ASIC2: variants seen among roughly 807,000 people sequenced by gnomAD.
The protein encoded by ASIC2 is acid sensing ion channel subunit 2, also known as acid-sensing ion channel 2.
Under a neutral mutation model 57.3 loss-of-function variants are expected in ASIC2, and 25 were observed. The observed-to-expected ratio is 0.44, with a 90% confidence interval of 0.32 to 0.61. ASIC2 has a LOEUF of 0.61. Ranked by LOEUF, ASIC2 falls within the 20% of genes least tolerant of loss-of-function variation. ASIC2 has a pLI of 0.06. For synonymous variants in ASIC2, 319 were observed against 307.5 expected (o/e 1.04, Z -0.39); for missense variants, 641 against 738.1 (o/e 0.87, Z 1.52).
rs143341863 is a variant in ASIC2 at position 33,843,546 on chromosome 17, G to C, written c.555+312432C>G. The stretch of plus-strand genomic sequence containing the variant: ...ACATGATAAAACTTTTGAAATCAAG[G>C]CTACTAGAAGACTTAGAATGTAATG... On this transcript the variant is annotated intron_variant, in intron 1 of 9. Coordinates refer to the ASIC2 transcript ENST00000359872. Among the ~76,000 whole-genome samples the C allele has an allele frequency of 3.8e-3, 586 of 152,208 alleles. 3 individuals are homozygous for C. Among genetic ancestry groups the C allele is most frequent in the African/African-American group, 0.014 (565 of 41,526 alleles).
At chr17:33,885,992 T>G (rs1914820533) in intron 1 of ASIC2, among the ~76,000 whole-genome samples, 1 of 152,202 alleles carries the variant, frequency 6.6e-6, no homozygotes, top group African/African-American at 2.4e-5. Context: ...TCTCAGTACC[T>G]TGCATAAAGT....
chr17:33,922,134 C>G (rs532573824), intron 1 of ASIC2, among the ~76,000 whole-genome samples: 12 of 152,282 alleles, frequency 7.9e-5, no homozygotes, highest in Non-Finnish European at 1.5e-4. Flanking sequence ...AGTGTTAACA[C>G]TTTGCTGACT....
At chr17:33,844,792 G>C (rs1025477235) in intron 1 of ASIC2, among the ~76,000 whole-genome samples, 1 of 152,126 alleles carries the variant, frequency 6.6e-6, no homozygotes, top group African/African-American at 2.4e-5. Flanking sequence ...GATTATATTA[G>C]CTACCAATAT....
At chr17:33,316,929 A>G (rs902651736) in intron 1 of ASIC2, among the ~76,000 whole-genome samples, 3 of 152,186 alleles carry the variant, frequency 2.0e-5, no homozygotes, top group African/African-American at 7.2e-5. Flanking sequence ...ACAAGGTACT[A>G]CACTCTGTGC....
At chr17:33,579,029 T>C (rs1024892557) in intron 1 of ASIC2, among the ~76,000 whole-genome samples, 2 of 152,150 alleles carry the variant, frequency 1.3e-5, no homozygotes, top group African/African-American at 4.8e-5. Flanking sequence ...CTCACTCCTG[T>C]AATCCCAGCA....
intron 1 of ASIC2, among the ~76,000 whole-genome samples, chr17:33,134,414 G>C (rs532630550): frequency 6.6e-6 from 1 of 152,202 alleles, no homozygotes; most frequent in East Asian, 1.9e-4. Flanking sequence ...GTGAAAGCAA[G>C]GAGCCCACTC....
chr17:33,577,783 C>A (rs1916678509), intron 1 of ASIC2, among the ~76,000 whole-genome samples: 1 of 152,160 alleles, frequency 6.6e-6, no homozygotes, highest in South Asian at 2.1e-4. Context: ...CATGTTCCAC[C>A]CGGCCTGCCC....
At chr17:33,219,863 A>G (rs1279006099) in intron 1 of ASIC2, among the ~76,000 whole-genome samples, 1 of 152,132 alleles carries the variant, frequency 6.6e-6, no homozygotes, top group Non-Finnish European at 1.5e-5. Context: ...CCATTTGTTC[A>G]TTCCCAGGAT....
intron 1 of ASIC2, among the ~76,000 whole-genome samples, chr17:33,783,457 G>A (rs1430266529): frequency 6.6e-6 from 1 of 152,204 alleles, no homozygotes; most frequent in South Asian, 2.1e-4. Context: ...TAGAGTGTCT[G>A]GCATATGTTA....
At chr17:33,176,991 A>T (rs1905783991) in intron 1 of ASIC2, among the ~76,000 whole-genome samples, 1 of 152,188 alleles carries the variant, frequency 6.6e-6, no homozygotes, top group Non-Finnish European at 1.5e-5. Context: ...CTGAATTTGG[A>T]TGGCTTTGTT....
intron 1 of ASIC2, among the ~76,000 whole-genome samples, chr17:33,117,802 A>T (rs922107929): frequency 6.6e-6 from 1 of 152,164 alleles, no homozygotes; most frequent in Non-Finnish European, 1.5e-5. Context: ...AGGAAGTACT[A>T]TGTGTCTGCT....
At chr17:33,991,311 G>A (rs181224045) in intron 1 of ASIC2, among the ~76,000 whole-genome samples, 1 of 152,338 alleles carries the variant, frequency 6.6e-6, no homozygotes. Context: ...GAGGGGAAGT[G>A]ACTCATGCAA....
Position 33,573,480 on chromosome 17 carries a change from T to C in ASIC2, c.556-461413A>G, listed in dbSNP as rs140003264. The stretch of plus-strand genomic sequence containing the variant: ...CCACCTGCAACGAATATTCCCAAGC[T>C]AGATATTATGCTTCCAGCACATGTG... On this transcript the variant is annotated intron_variant, in intron 1 of 9. Transcript: ENST00000359872. Among the ~76,000 whole-genome samples, 992 of 152,322 alleles carry C rather than the reference T, an allele frequency of 6.5e-3. 9 individuals carry two copies. The highest frequency in any genetic ancestry group is 0.023 in the African/African-American group (955 of 41,574).
At chr17:33,324,629 G>C (rs528325505) in intron 1 of ASIC2, among the ~76,000 whole-genome samples, 3 of 152,206 alleles carry the variant, frequency 2.0e-5, no homozygotes, top group African/African-American at 7.2e-5. Flanking sequence ...CTTCCACTGG[G>C]ATATCATTGC....
chr17:33,844,121 G>A (rs1482026489), intron 1 of ASIC2, among the ~76,000 whole-genome samples: 1 of 152,168 alleles, frequency 6.6e-6, no homozygotes, highest in East Asian at 1.9e-4. Flanking sequence ...TTTATTGGGA[G>A]AAGAGTCCTG....
chr17:33,298,562 G>T (rs553311148), intron 1 of ASIC2, among the ~76,000 whole-genome samples: 1 of 152,140 alleles, frequency 6.6e-6, no homozygotes, highest in Admixed American at 6.5e-5. Context: ...AAACATACGT[G>T]TGCATGTGTC....
intron 1 of ASIC2, chr17:34,003,114 A>C (rs889648972): frequency 6.6e-6 from 1 of 152,178 alleles, no homozygotes; most frequent in Non-Finnish European, 1.5e-5. Flanking sequence ...CGACAAAAAA[A>C]CCTCACAGTT....
rs185239124 is a variant in ASIC2, at chr17:33,424,144, G to A, written c.556-312077C>T. Among the ~76,000 whole-genome samples the A allele has an allele frequency of 2.3e-3, 355 of 152,284 alleles. 10 individuals carry two copies. Among genetic ancestry groups the A allele is most frequent in the Non-Finnish European group, 6.3e-4 (43 of 68,024 alleles). Reference sequence around the variant, plus strand: ...TGGGGCTCTGAGAAATGCCACTTCAGAGCAGGGCCCTGAGAGTCTGTTCTG... The same window carrying A: ...TGGGGCTCTGAGAAATGCCACTTCAAAGCAGGGCCCTGAGAGTCTGTTCTG... On this transcript the variant is annotated intron_variant, in intron 1 of 9. Coordinates refer to the ASIC2 transcript ENST00000359872.
At chr17:33,633,387 G>C (rs59573368) in intron 1 of ASIC2, among the ~76,000 whole-genome samples, 2,064 of 152,280 alleles carry the variant, frequency 0.014, 33 homozygotes, top group African/African-American at 0.046. Context: ...ACATAGAAAG[G>C]TGAGATAGCA....
Sources: gnomAD v4.1 joint callset for allele counts (sites outside exome capture counted in the v4.1 genomes callset) on GRCh38, gnomAD v4.1.1 for gene constraint, MANE v1.5 for transcripts, NCBI Gene and HGNC (gene_info 2026-07-23, HGNC 2026-07-21) for gene names.